ATP2B2: variants seen among roughly 807,000 people sequenced by gnomAD.
The protein encoded by ATP2B2 is plasma membrane calcium-transporting ATPase 2.
Under a neutral mutation model 120.0 loss-of-function variants are expected in ATP2B2, and 15 were observed. That is an observed-to-expected ratio of 0.12 (90% CI 0.08 to 0.19). ATP2B2 has a LOEUF of 0.19. Among genes scored for constraint, ATP2B2 ranks in the 10% least tolerant of loss-of-function variants. The probability of loss-of-function intolerance (pLI) is 1.00; values close to 1 mark genes in which losing one functional copy is unlikely to be tolerated. For synonymous variants in ATP2B2, 694 were observed against 700.3 expected, an observed-to-expected ratio of 0.99 and a Z score of 0.14; for missense variants, 1,045 against 1,719.8, an observed-to-expected ratio of 0.61 and a Z score of 6.94.
rs368897394 is a variant in ATP2B2, at chr3:10,379,968, G to A, written c.1001-684C>T. Among the ~76,000 whole-genome samples the A allele has an allele frequency of 3.3e-5, 5 of 152,312 alleles. No homozygotes were observed. The East Asian group carries it at 5.8e-4, about 18-fold the overall frequency. On this transcript the variant is annotated intron_variant, in intron 8 of 22. Coordinates refer to ENST00000360273, the MANE Select transcript of ATP2B2 (RefSeq NM_001001331.4). ...CCCCTGAGAGTGACCAGAACAAAGA[G>A]TGATCAGGGGTCCCCATGGTGGTAT...
At chr3:10,417,077 G>T (rs1221552392) in intron 2 of ATP2B2, among the ~76,000 whole-genome samples, 4 of 141,972 alleles carry the variant, frequency 2.8e-5, no homozygotes, top group Non-Finnish European at 6.0e-5. Flanking sequence ...GGCGGGGGGG[G>T]GCGGGCAGAG....
chr3:10,707,102 C>T (rs1277795726), intron 1 of ATP2B2, among the ~76,000 whole-genome samples: 1 of 152,286 alleles, frequency 6.6e-6, no homozygotes, highest in East Asian at 1.9e-4. Flanking sequence ...CCCAGTGTCC[C>T]GAAACATGCT....
At position 10,513,601 on chromosome 3, in the gene ATP2B2, A is replaced by G. The variant is rs78217165; in HGVS notation, c.-320+20438T>C. ...TTCCGCAGGTCCTATGATCCACTCAATGTGCTGTGATCTGGGGTGGACTCC... is the reference window on the plus strand; with the variant it reads ...TTCCGCAGGTCCTATGATCCACTCAGTGTGCTGTGATCTGGGGTGGACTCC... On this transcript the variant is annotated intron_variant, in intron 3 of 21. Transcript: ENST00000646379. Among the ~76,000 whole-genome samples, 354 of 152,252 alleles carry G rather than the reference A, an allele frequency of 2.3e-3. 6 individuals carry two copies. The East Asian group carries it at 0.033, about 14-fold the overall frequency.
At chr3:10,643,283 G>A (rs1219193275) in intron 1 of ATP2B2, among the ~76,000 whole-genome samples, 3 of 152,200 alleles carry the variant, frequency 2.0e-5, no homozygotes, top group African/African-American at 7.2e-5. Flanking sequence ...GGGAGAGAAC[G>A]GAGAGCTCTT....
At chr3:10,536,431 TTCTTCC>T (rs1030394808) in intron 2 of ATP2B2, among the ~76,000 whole-genome samples, 4 of 151,868 alleles carry the variant, frequency 2.6e-5, no homozygotes, top group Admixed American at 6.6e-5. Flanking sequence ...CTTCTTCTTC[TTCTTCC>T]TCTTCCTGTC....
In ATP2B2 at chr3:10,375,332, T is replaced by C; in HGVS notation, c.1416+98A>G. 3.7e-6 allele frequency: 4 copies of C among 1,083,014 alleles called. No homozygotes were observed. The highest frequency in any genetic ancestry group is 4.2e-6 in the Non-Finnish European group (3 of 719,638). The allele number at this position is 1,083,014 out of a possible 1,614,324, so 67.1% of individuals were successfully genotyped here. Reference sequence around the variant, plus strand: ...CTCCTAGGGGGTCTATGGGGCTTCTTCGTTCATCTCCCAACCCCAGCACCA... The same window carrying C: ...CTCCTAGGGGGTCTATGGGGCTTCTCCGTTCATCTCCCAACCCCAGCACCA... On this transcript the variant is annotated intron_variant, in intron 11 of 22. Transcript: ENST00000360273. The surrounding 1 kb of genome is among the most constrained non-coding windows in gnomAD (Gnocchi z 4.2).
chr3:10,451,422 A>C (rs1313362036), intron 1 of ATP2B2, among the ~76,000 whole-genome samples: 1 of 152,208 alleles, frequency 6.6e-6, no homozygotes, highest in African/African-American at 2.4e-5. Flanking sequence ...GGGGCAAAAC[A>C]GTCTCTCTTC....
intron 2 of ATP2B2, among the ~76,000 whole-genome samples, chr3:10,441,254 C>T (rs556503838): frequency 1.3e-5 from 2 of 152,204 alleles, no homozygotes; most frequent in Admixed American, 6.5e-5. Flanking sequence ...GAGTTGTTTC[C>T]TGTCTTTTTG....
chr3:10,359,245 T>C (rs1337602297), intron 13 of ATP2B2, among the ~76,000 whole-genome samples: 1 of 152,226 alleles, frequency 6.6e-6, no homozygotes, highest in Non-Finnish European at 1.5e-5. Context: ...TTAGAATTGC[T>C]TGGAGGAGCC....
chr3:10,509,236 A>G (rs776844587), upstream of ATP2B2, among the ~76,000 whole-genome samples: 1 of 152,168 alleles, frequency 6.6e-6, no homozygotes, highest in Non-Finnish European at 1.5e-5. Context: ...TGTCTTCGGT[A>G]TGAGACGTGG....
Position 10,407,877 on chromosome 3 carries a change from T to C in ATP2B2, c.397+2741A>G, listed in dbSNP as rs552997580. 2.6e-4 allele frequency among the ~76,000 whole-genome samples: 40 copies of C among 152,324 alleles called. 1 individual carries two copies. The highest frequency in any genetic ancestry group is 8.9e-4 in the African/African-American group (37 of 41,578). ...CACAAGATCTCCACAGGGCAAGTGCTATCATTCACCCCCTTTTATGGATGA... is the reference window on the plus strand; with the variant it reads ...CACAAGATCTCCACAGGGCAAGTGCCATCATTCACCCCCTTTTATGGATGA... On this transcript the variant is annotated intron_variant, in intron 3 of 22. Transcript: ENST00000360273.
chr3:10,395,562 C>A (rs188214226), intron 5 of ATP2B2, among the ~76,000 whole-genome samples: 1 of 152,202 alleles, frequency 6.6e-6, no homozygotes, highest in East Asian at 1.9e-4. Flanking sequence ...TAGCAACAGC[C>A]GAATCAGAGT....
chr3:10,422,586 C>G (rs542254365), intron 2 of ATP2B2, among the ~76,000 whole-genome samples: 4 of 152,330 alleles, frequency 2.6e-5, no homozygotes, highest in African/African-American at 7.2e-5. Context: ...ATTTGTCACC[C>G]AGCTCATTCA....
chr3:10,374,031 T>G (rs2061315744), intron 11 of ATP2B2, among the ~76,000 whole-genome samples: 1 of 152,188 alleles, frequency 6.6e-6, no homozygotes, highest in Non-Finnish European at 1.5e-5. Flanking sequence ...TGGGGTGCTC[T>G]CCTAAGTTTA....
chr3:10,506,649 AG>A (rs199841473), upstream of ATP2B2, among the ~76,000 whole-genome samples: 3,287 of 151,934 alleles, frequency 0.022, 40 homozygotes, highest in Middle Eastern at 0.086. Context: ...CCCCTCCAGG[AG>A]GGGTACCCTG....
intron 3 of ATP2B2, among the ~76,000 whole-genome samples, chr3:10,532,406 G>T (rs1559443804): frequency 6.6e-6 from 1 of 152,182 alleles, no homozygotes; most frequent in Non-Finnish European, 1.5e-5. Context: ...AACAAAACAG[G>T]TTGAATTCCA....
chr3:10,522,470 T>C (rs537793613), intron 3 of ATP2B2, among the ~76,000 whole-genome samples: 1 of 152,344 alleles, frequency 6.6e-6, no homozygotes, highest in South Asian at 2.1e-4. Context: ...TTCTACCTCC[T>C]GGTCATTCCA....
At chr3:10,658,165 G>A (rs1396864028) in intron 1 of ATP2B2, among the ~76,000 whole-genome samples, 1 of 152,218 alleles carries the variant, frequency 6.6e-6, no homozygotes, top group Non-Finnish European at 1.5e-5. Context: ...CAGAAAAGCT[G>A]AAACTTCTAA....
intron 2 of ATP2B2, among the ~76,000 whole-genome samples, chr3:10,411,115 G>T (rs375139248): frequency 6.6e-6 from 1 of 152,150 alleles, no homozygotes; most frequent in Non-Finnish European, 1.5e-5. Flanking sequence ...AGGATATCAC[G>T]ATGAGAGCAT....
Sources: gnomAD v4.1 joint callset for allele counts (sites outside exome capture counted in the v4.1 genomes callset) on GRCh38, gnomAD v4.1.1 for gene constraint, Gnocchi (gnomAD v3.1) non-coding constraint, MANE v1.5 for transcripts, NCBI Gene and HGNC (gene_info 2026-07-23, HGNC 2026-07-21) for gene names.